Variants in NELL1 observed in about 807,000 individuals in gnomAD.
NELL1 encodes protein kinase C-binding protein NELL1.
Under a neutral mutation model 107.4 loss-of-function variants are expected in NELL1, and 76 were observed. That is an observed-to-expected ratio of 0.71 (90% CI 0.59 to 0.86). The LOEUF (loss-of-function observed/expected upper bound fraction) is 0.86, where lower values mean the gene tolerates loss of function less well. NELL1 is among the 40% of genes least tolerant of loss of function. The pLI is 0.00. For missense variants in NELL1, 1,024 were observed against 1,005.5 expected (o/e 1.02, Z -0.25); for synonymous variants, 353 against 341.2 (o/e 1.03, Z -0.38).
chr11:21,319,547 G>A (rs1471817350), intron 14 of NELL1, among the ~76,000 whole-genome samples: 3 of 146,474 alleles, frequency 2.0e-5, no homozygotes, highest in African/African-American at 7.6e-5. Flanking sequence ...TTAACATGTT[G>A]ATCAGGCTGG....
intron 12 of NELL1, among the ~76,000 whole-genome samples, chr11:20,999,673 G>C (rs977174956): frequency 1.3e-5 from 2 of 150,342 alleles, no homozygotes; most frequent in Admixed American, 6.6e-5. Context: ...GTATCTTCCA[G>C]ACCTTGTTTT....
At chr11:21,436,571 C>T (rs2133840331) in intron 15 of NELL1, among the ~76,000 whole-genome samples, 1 of 151,890 alleles carries the variant, frequency 6.6e-6, no homozygotes, top group South Asian at 2.1e-4. Context: ...TCAAATTTAT[C>T]TTTTCAAAAA....
chr11:20,767,749 T>TTCATTCAC (rs74313859), intron 2 of NELL1, among the ~76,000 whole-genome samples: 3 of 150,886 alleles, frequency 2.0e-5, no homozygotes, highest in African/African-American at 7.5e-5. Flanking sequence ...CATTCATTCA[T>TTCATTCAC]GCACTCAACA....
At chr11:21,246,465 A>G (rs1858494389) in intron 14 of NELL1, among the ~76,000 whole-genome samples, 1 of 152,156 alleles carries the variant, frequency 6.6e-6, no homozygotes, top group East Asian at 1.9e-4. Context: ...GTCATGTATT[A>G]CTTAATGATG....
In NELL1 at chr11:20,846,568, A is replaced by G. The variant is rs555604772; in HGVS notation, c.336-1015A>G. Among the ~76,000 whole-genome samples, 3 of 152,280 alleles carry G rather than the reference A, an allele frequency of 2.0e-5. No individual in the cohort carries two copies. In the South Asian group the frequency reaches 6.2e-4, roughly 32 times the overall value. Reference sequence around the variant, plus strand: ...GTGAGGCTATCCTCACCACTTTGTCATCATGCCTCTGGGATGGGCAACAAA... The same window carrying G: ...GTGAGGCTATCCTCACCACTTTGTCGTCATGCCTCTGGGATGGGCAACAAA... On this transcript the variant is annotated intron_variant, in intron 3 of 19. Coordinates refer to ENST00000357134, the MANE Select transcript of NELL1 (RefSeq NM_006157.5).
intron 12 of NELL1, among the ~76,000 whole-genome samples, chr11:21,023,020 G>C (rs1434924585): frequency 1.3e-5 from 2 of 151,954 alleles, no homozygotes; most frequent in Admixed American, 6.6e-5. Context: ...AGTGCTCTAT[G>C]GTTCCCTCGA....
At chr11:21,198,685 T>C (rs748315199) in intron 13 of NELL1, among the ~76,000 whole-genome samples, 1 of 152,242 alleles carries the variant, frequency 6.6e-6, no homozygotes, top group Non-Finnish European at 1.5e-5. Context: ...GCAATGTTCA[T>C]AGATTTATCA....
intron 16 of NELL1, among the ~76,000 whole-genome samples, chr11:21,538,119 A>AT (rs201281361): frequency 5.9e-5 from 9 of 151,916 alleles, no homozygotes; most frequent in East Asian, 1.9e-4. Flanking sequence ...AACCCTTACA[A>AT]TTTTTTTTAA....
chr11:21,059,501 G>C (rs191175463), intron 12 of NELL1, among the ~76,000 whole-genome samples: 4 of 151,794 alleles, frequency 2.6e-5, no homozygotes, highest in African/African-American at 7.3e-5. Flanking sequence ...ATACCAAAAG[G>C]CATCCCAATA....
At chr11:20,978,784 C>T (rs1431101682) in intron 12 of NELL1, among the ~76,000 whole-genome samples, 2 of 152,130 alleles carry the variant, frequency 1.3e-5, no homozygotes, top group African/African-American at 4.8e-5. Context: ...ATGCAGGAGT[C>T]CTCTCCCTCA....
chr11:21,530,339 G>C (rs961476053), intron 15 of NELL1, among the ~76,000 whole-genome samples: 3 of 152,060 alleles, frequency 2.0e-5, no homozygotes, highest in Non-Finnish European at 1.5e-5. Context: ...AATCCAATAG[G>C]AAAGAGATTA....
intron 12 of NELL1, among the ~76,000 whole-genome samples, chr11:21,084,258 G>C (rs1363864167): frequency 1.3e-5 from 2 of 152,168 alleles, no homozygotes; most frequent in Non-Finnish European, 2.9e-5. Flanking sequence ...TAGTGTCAAA[G>C]ATAGTTTATG....
chr11:21,517,533 T>C (rs968485374), intron 15 of NELL1, among the ~76,000 whole-genome samples: 1 of 152,182 alleles, frequency 6.6e-6, no homozygotes, highest in Admixed American at 6.5e-5. Context: ...GCCTGGATTC[T>C]GTAATCTTCG....
Position 21,251,565 on chromosome 11 carries a change from G to T in NELL1, c.1549+22111G>T, listed in dbSNP as rs1858639272. The stretch of plus-strand genomic sequence containing the variant: ...CACCTCCACCCGCCATCAACAGCAA[G>T]TGCAGACCACTTTCATGGGACAGGG... On this transcript the variant is annotated intron_variant, in intron 14 of 19. Transcript: ENST00000357134. 2.6e-5 allele frequency among the ~76,000 whole-genome samples: 4 copies of T among 151,990 alleles called. No individual in the cohort carries two copies. The East Asian group carries it at 7.8e-4, about 30-fold the overall frequency.
At chr11:21,178,215 C>T (rs1211883687) in intron 13 of NELL1, among the ~76,000 whole-genome samples, 1 of 151,552 alleles carries the variant, frequency 6.6e-6, no homozygotes, top group East Asian at 1.9e-4. Context: ...GATTTCTTTG[C>T]TTTTTCCACA....
chr11:20,747,684 G>A lies in NELL1; in HGVS notation c.185-35996G>A, dbSNP rs1856035388. Among the ~76,000 whole-genome samples the A allele has an allele frequency of 3.3e-5, 5 of 152,244 alleles. No homozygotes were observed. The South Asian group carries it at 1.0e-3, about 32-fold the overall frequency. On this transcript the variant is annotated intron_variant, in intron 2 of 19. Transcript: ENST00000357134. Reference sequence around the variant, plus strand: ...GAAATTAAATTTCAACATGCGTTTTGGAGGTGACAAATGTTCACATCATAG... The same window carrying A: ...GAAATTAAATTTCAACATGCGTTTTAGAGGTGACAAATGTTCACATCATAG...
At chr11:20,933,992 T>G (rs1850671346) in intron 9 of NELL1, among the ~76,000 whole-genome samples, 1 of 152,170 alleles carries the variant, frequency 6.6e-6, no homozygotes, top group South Asian at 2.1e-4. Context: ...ATGAAGAGCT[T>G]TAGGTATCCA....
At chr11:20,672,339 G>GA (rs1853934590) in intron 1 of NELL1, among the ~76,000 whole-genome samples, 1 of 152,226 alleles carries the variant, frequency 6.6e-6, no homozygotes, top group African/African-American at 2.4e-5. Context: ...AGTCCTAGAT[G>GA]AAATAAACAT....
chr11:20,720,895 G>A (rs1045667149), intron 2 of NELL1, among the ~76,000 whole-genome samples: 7 of 152,040 alleles, frequency 4.6e-5, no homozygotes, highest in African/African-American at 1.7e-4. Context: ...TTGGAGATTA[G>A]GACTTCAACA....
Sources: gnomAD v4.1 joint callset for allele counts (sites outside exome capture counted in the v4.1 genomes callset) on GRCh38, gnomAD v4.1.1 for gene constraint, MANE v1.5 for transcripts, NCBI Gene and HGNC (gene_info 2026-07-23, HGNC 2026-07-21) for gene names.